SNRPN: variants seen among roughly 807,000 people sequenced by gnomAD.
SNRPN encodes the protein small nuclear ribonucleoprotein-associated protein N.
A neutral mutation model predicts 25.2 loss-of-function variants in SNRPN; 7 were observed. That is an observed-to-expected ratio of 0.28 (90% CI 0.16 to 0.52). The LOEUF is 0.52. Among genes scored for constraint, SNRPN ranks in the 20% least tolerant of loss-of-function variants. The pLI is 0.96. For synonymous variants in SNRPN, 124 were observed against 110.6 expected, an observed-to-expected ratio of 1.12 and a Z score of -0.76; for missense variants, 196 against 322.5, an observed-to-expected ratio of 0.61 and a Z score of 3.00.
chr15:24,876,408 G>A (rs1281142169), intron 1 of SNRPN, among the ~76,000 whole-genome samples: 1 of 149,952 alleles, frequency 6.7e-6, no homozygotes, highest in Non-Finnish European at 1.5e-5. Flanking sequence ...CCTGAGGTCA[G>A]GAGTTTGAGA....
intron 1 of SNRPN, among the ~76,000 whole-genome samples, chr15:24,882,173 C>T (rs185692260): frequency 1.3e-5 from 2 of 152,042 alleles, no homozygotes; most frequent in African/African-American, 2.4e-5. Context: ...ATACAAAAGT[C>T]GGTTCATTTG....
intron 3 of SNRPN, among the ~76,000 whole-genome samples, chr15:24,926,794 C>A (rs2060413927): frequency 6.6e-6 from 1 of 151,900 alleles, no homozygotes; most frequent in Non-Finnish European, 1.5e-5. Context: ...TGCTTGAGGC[C>A]AGGAGTTTGA....
intron 1 of SNRPN, among the ~76,000 whole-genome samples, chr15:24,825,883 T>C (rs1257032599): frequency 6.6e-6 from 1 of 152,082 alleles, no homozygotes; most frequent in Non-Finnish European, 1.5e-5. Flanking sequence ...AAGTCATACC[T>C]CAGGGAGTGC....
At chr15:24,878,422 G>A (rs2056211858) in intron 1 of SNRPN, among the ~76,000 whole-genome samples, 1 of 152,354 alleles carries the variant, frequency 6.6e-6, no homozygotes, top group African/African-American at 2.4e-5. Context: ...GATCTTCGGC[G>A]CGCCTGCACA....
chr15:24,906,808 A>G (rs572900095), intron 2 of SNRPN, among the ~76,000 whole-genome samples: 13 of 152,314 alleles, frequency 8.5e-5, no homozygotes, highest in African/African-American at 2.6e-4. Context: ...GGCTGAGCAG[A>G]CATCTAGAAG....
At chr15:24,910,836 A>C (rs1359423099) in intron 2 of SNRPN, 1 of 555,312 alleles carries the variant, frequency 1.8e-6, no homozygotes, top group Non-Finnish European at 3.2e-6. Context: ...GTGTTTATTG[A>C]GATGGTTTCC....
chr15:24,870,192 G>A (rs1014709018), intron 1 of SNRPN, among the ~76,000 whole-genome samples: 1 of 152,066 alleles, frequency 6.6e-6, no homozygotes, highest in Non-Finnish European at 1.5e-5. Context: ...TCGTGCCCAA[G>A]CCTGGTACCC....
At chr15:24,949,311 C>G (rs998376199) in intron 3 of SNRPN, among the ~76,000 whole-genome samples, 3 of 152,040 alleles carry the variant, frequency 2.0e-5, no homozygotes, top group Non-Finnish European at 4.4e-5. Flanking sequence ...CGTGAGCCAC[C>G]ACACTTGGCC....
intron 1 of SNRPN, among the ~76,000 whole-genome samples, chr15:24,877,696 A>AC (rs765483557): frequency 0.061 from 7,442 of 122,780 alleles, 225 homozygotes; most frequent in East Asian, 0.1. Context: ...ACACACACAC[A>AC]AACACACTAG....
intron 1 of SNRPN, chr15:24,856,821 C>T (rs746531468): frequency 9.2e-5 from 14 of 152,176 alleles, no homozygotes; most frequent in Non-Finnish European, 1.8e-4. Flanking sequence ...TCATCTAAAA[C>T]CAACTTCGCA....
chr15:24,907,653 C>T (rs1459742892), intron 2 of SNRPN, among the ~76,000 whole-genome samples: 8 of 151,868 alleles, frequency 5.3e-5, no homozygotes, highest in Non-Finnish European at 8.8e-5. Flanking sequence ...AGTATGTTGC[C>T]CAGGCTGGTC....
intron 2 of SNRPN, among the ~76,000 whole-genome samples, chr15:24,834,751 C>CTCTCTCTCTCTCTA: frequency 0.013 from 812 of 60,918 alleles, 13 homozygotes; most frequent in Non-Finnish European, 0.017. Context: ...CTCTCTCTCT[C>CTCTCTCTCTCTCTA]TATATATATA....
chr15:24,947,368 C>T (rs186784732), intron 3 of SNRPN, among the ~76,000 whole-genome samples: 1 of 152,294 alleles, frequency 6.6e-6, no homozygotes, highest in East Asian at 1.9e-4. Flanking sequence ...CGGTGGCTCA[C>T]GCCTGTAATC....
At chr15:24,942,717 G>T (rs1312569572) in intron 3 of SNRPN, among the ~76,000 whole-genome samples, 1 of 152,146 alleles carries the variant, frequency 6.6e-6, no homozygotes, top group Admixed American at 6.5e-5. Context: ...TAATCAACCT[G>T]CCACCAGGTA....
At chr15:24,949,810 T>C (rs763208325) in intron 3 of SNRPN, among the ~76,000 whole-genome samples, 3 of 152,054 alleles carry the variant, frequency 2.0e-5, no homozygotes, top group Non-Finnish European at 4.4e-5. Flanking sequence ...GCCATAGTTG[T>C]TTCCTTTTTC....
intron 1 of SNRPN, among the ~76,000 whole-genome samples, chr15:24,880,750 G>A (rs766993539): frequency 6.0e-5 from 9 of 149,194 alleles, no homozygotes; most frequent in East Asian, 1.9e-4. Flanking sequence ...TAACACTTAC[G>A]CCTTTTTTTT....
intron 2 of SNRPN, chr15:24,848,346 G>C (rs2052448081): frequency 6.6e-6 from 1 of 152,524 alleles, no homozygotes; most frequent in Admixed American, 6.6e-5. Flanking sequence ...CCGTTTCCGC[G>C]CTTCAAGCGG....
intron 1 of SNRPN, among the ~76,000 whole-genome samples, chr15:24,881,728 A>C (rs1176591370): frequency 2.0e-5 from 3 of 152,198 alleles, no homozygotes; most frequent in African/African-American, 7.2e-5. Flanking sequence ...AATATTAACA[A>C]TTACATAAAG....
intron 2 of SNRPN, among the ~76,000 whole-genome samples, chr15:24,887,531 TG>T (rs2057302627): frequency 6.6e-6 from 1 of 150,552 alleles, no homozygotes; most frequent in Non-Finnish European, 1.5e-5. Flanking sequence ...GGGTTGGGTG[TG>T]GTGGCTCACA....
Sources: allele counts gnomAD v4.1 joint callset (sites outside exome capture counted in the v4.1 genomes callset), GRCh38; gene constraint gnomAD v4.1.1; transcripts MANE v1.5; gene names NCBI Gene and HGNC (gene_info 2026-07-23, HGNC 2026-07-21).